STPG2: variants seen among roughly 807,000 people sequenced by gnomAD.
STPG2 encodes the protein sperm tail PG-rich repeat containing 2.
In STPG2, 56 loss-of-function variants were observed where a neutral mutation model predicts 54.2. That is an observed-to-expected ratio of 1.03 (90% CI 0.83 to 1.29). The LOEUF is 1.29. STPG2 is among the 50% of genes most tolerant of loss of function. STPG2 has a pLI of 0.00. For missense variants in STPG2, 596 were observed against 544.9 expected (o/e 1.09, Z -0.93); for synonymous variants, 200 against 181.8 (o/e 1.10, Z -0.81).
intron 2 of STPG2, among the ~76,000 whole-genome samples, chr4:98,134,137 T>A (rs1740071518): frequency 6.6e-6 from 1 of 152,006 alleles, no homozygotes; most frequent in East Asian, 1.9e-4. Context: ...TTTTGTGTCT[T>A]ATAGAATATG....
intron 8 of STPG2, among the ~76,000 whole-genome samples, chr4:97,850,343 A>G (rs1729115004): frequency 6.8e-6 from 1 of 148,018 alleles, no homozygotes; most frequent in Non-Finnish European, 1.5e-5. Flanking sequence ...GAGCACAGTA[A>G]AAAACTAAGA....
intron 10 of STPG2, among the ~76,000 whole-genome samples, chr4:97,656,731 C>A (rs1722229663): frequency 6.7e-6 from 1 of 148,766 alleles, no homozygotes; most frequent in African/African-American, 2.5e-5. Context: ...TAGTATTGTG[C>A]ATAGTTTTAG....
At chr4:97,794,708 G>C (rs1012224294) in intron 9 of STPG2, among the ~76,000 whole-genome samples, 3 of 151,972 alleles carry the variant, frequency 2.0e-5, no homozygotes, top group Non-Finnish European at 2.9e-5. Context: ...CTTTATTATA[G>C]CTTCTACTAT....
chr4:97,884,108 A>G (rs1730475318), intron 8 of STPG2, among the ~76,000 whole-genome samples: 1 of 152,144 alleles, frequency 6.6e-6, no homozygotes, highest in African/African-American at 2.4e-5. Context: ...ATTCAAAACA[A>G]ACCAAACTAT....
chr4:97,483,756 T>A (rs1001637632), intron 4 of STPG2, among the ~76,000 whole-genome samples: 3 of 151,696 alleles, frequency 2.0e-5, no homozygotes, highest in Non-Finnish European at 4.4e-5. Context: ...TTCCATCCAA[T>A]AACTGCAGAA....
intron 9 of STPG2, among the ~76,000 whole-genome samples, chr4:97,728,902 CAT>C (rs1724703910): frequency 6.6e-6 from 1 of 151,278 alleles, no homozygotes; most frequent in Non-Finnish European, 1.5e-5. Flanking sequence ...TATGTGCATG[CAT>C]GTGTGTGTGT....
At chr4:97,656,697 G>T (rs1256447987) in intron 10 of STPG2, among the ~76,000 whole-genome samples, 2 of 149,388 alleles carry the variant, frequency 1.3e-5, no homozygotes, top group Non-Finnish European at 3.0e-5. Flanking sequence ...TCTTTAGATT[G>T]GCAACTAGAT....
chr4:97,527,649 C>T (rs1163191854), intron 4 of STPG2, among the ~76,000 whole-genome samples: 1 of 152,138 alleles, frequency 6.6e-6, no homozygotes, highest in Admixed American at 6.6e-5. Context: ...TTCACATCCT[C>T]TCCAGCATCT....
At chr4:97,715,957 C>G (rs754139379) in intron 9 of STPG2, among the ~76,000 whole-genome samples, 4 of 152,136 alleles carry the variant, frequency 2.6e-5, no homozygotes, top group African/African-American at 9.7e-5. Flanking sequence ...TGACAAAGGG[C>G]TAATATCCAG....
intron 10 of STPG2, among the ~76,000 whole-genome samples, chr4:97,680,419 C>G (rs537979403): frequency 5.9e-5 from 9 of 152,154 alleles, no homozygotes; most frequent in African/African-American, 1.7e-4. Flanking sequence ...CATGATTTGG[C>G]TCTCTGTTTG....
intron 10 of STPG2, among the ~76,000 whole-genome samples, chr4:97,605,259 CA>C (rs895609254): frequency 6.6e-6 from 1 of 151,616 alleles, no homozygotes; most frequent in Non-Finnish European, 1.5e-5. Context: ...AAAGAATTTC[CA>C]AAATCATAGG....
At chr4:98,078,252 A>T (rs534283468) in intron 5 of STPG2, among the ~76,000 whole-genome samples, 2 of 152,176 alleles carry the variant, frequency 1.3e-5, no homozygotes, top group African/African-American at 4.8e-5. Context: ...GTCCTTTGTT[A>T]TCATTATAAT....
intron 8 of STPG2, among the ~76,000 whole-genome samples, chr4:97,885,012 C>A (rs1179287123): frequency 6.6e-6 from 1 of 152,036 alleles, no homozygotes; most frequent in South Asian, 2.1e-4. Flanking sequence ...CTAGGAAAGA[C>A]ATAATTATAA....
chr4:97,442,554 T>C (rs912143651), intron 4 of STPG2, among the ~76,000 whole-genome samples: 1 of 151,984 alleles, frequency 6.6e-6, no homozygotes, highest in African/African-American at 2.4e-5. Context: ...AATACGAGAG[T>C]GTAGAAACAG....
chr4:97,850,327 G>T (rs901403958), intron 8 of STPG2, among the ~76,000 whole-genome samples: 296 of 50,372 alleles, frequency 5.9e-3, no homozygotes, highest in African/African-American at 0.016. Flanking sequence ...AATAAATAAA[G>T]AAGTAGAGCA....
chr4:97,870,229 CA>C (rs760880913), intron 8 of STPG2, among the ~76,000 whole-genome samples: 10 of 151,254 alleles, frequency 6.6e-5, no homozygotes, highest in Admixed American at 5.3e-4. Context: ...AAGGTATGGA[CA>C]GGAAAAAGAA....
At chr4:97,562,472 C>A (rs1407994709) in intron 10 of STPG2, among the ~76,000 whole-genome samples, 1 of 152,136 alleles carries the variant, frequency 6.6e-6, no homozygotes, top group Non-Finnish European at 1.5e-5. Flanking sequence ...GAACTTCCAA[C>A]ACTATGTTGA....
At position 97,839,819 on chromosome 4, in the gene STPG2, T is replaced by C. The variant is rs370428915; in HGVS notation, c.1204+954A>G. ...GTATTATTTGCTGGATAAGTTATAT[T>C]CTCCTGTTTTAGTTTTTCATTAAAA... is the stretch of plus-strand genomic sequence containing the variant. On this transcript the variant is annotated intron_variant, in intron 9 of 10. Transcript: ENST00000295268. Among the ~76,000 whole-genome samples, 36 of 151,810 alleles carry C rather than the reference T, an allele frequency of 2.4e-4. No individual in the cohort carries two copies. In the East Asian group the frequency reaches 7.0e-3, roughly 29 times the overall value.
At chr4:97,739,824 A>T (rs1177988464) in intron 9 of STPG2, among the ~76,000 whole-genome samples, 1 of 43,914 alleles carries the variant, frequency 2.3e-5, no homozygotes, top group Non-Finnish European at 5.8e-5. Flanking sequence ...AAACTATTCC[A>T]ATCAATAAAA....
Sources: allele counts gnomAD v4.1 joint callset (sites outside exome capture counted in the v4.1 genomes callset), GRCh38; gene constraint gnomAD v4.1.1; transcripts MANE v1.5; gene names NCBI Gene and HGNC (gene_info 2026-07-23, HGNC 2026-07-21).